Variants in PCDHA6 observed in about 807,000 individuals in gnomAD.
The protein encoded by PCDHA6 is protocadherin alpha-6.
PCDHA6 carries 55 observed loss-of-function variants against 60.3 expected under a neutral mutation model. The ratio of observed to expected loss-of-function variants is 0.91; its 90% CI spans 0.73 to 1.14. The LOEUF (loss-of-function observed/expected upper bound fraction) is 1.14, where lower values mean the gene tolerates loss of function less well. Ranked by LOEUF, PCDHA6 falls within the 50% of genes most tolerant of loss-of-function variation. The pLI is 0.00. For synonymous variants in PCDHA6, 652 were observed against 557.9 expected (o/e 1.17, Z -2.38); for missense variants, 1,327 against 1,256.5 (o/e 1.06, Z -0.85).
At chr5:140,834,190 C>T in intron 1 of PCDHA6, 2 of 580,584 alleles carry the variant, frequency 3.4e-6, no homozygotes, top group South Asian at 2.5e-5. Context: ...CATGATGTCG[C>T]TCTTTACCGC....
rs2150467797 is a variant in PCDHA6 at position 140,850,109 on chromosome 5, C to G, written c.2394+19624C>G. ...TGCTACAGTTCCAGGTGAGCGCGCG[C>G]GACGCGGGCGTGCCGCCTCTGGGCA... On this transcript the variant is annotated intron_variant, in intron 1 of 3. Coordinates refer to ENST00000529310, the MANE Select transcript of PCDHA6 (RefSeq NM_018909.4). 1.1e-4 allele frequency: 170 copies of G among 1,596,054 alleles called. 9 individuals are homozygous for G. Among genetic ancestry groups the G allele is most frequent in the Non-Finnish European group, 2.6e-5 (30 of 1,167,820 alleles).
At chr5:140,923,966 C>T (rs1422839186) in intron 1 of PCDHA6, among the ~76,000 whole-genome samples, 3 of 152,188 alleles carry the variant, frequency 2.0e-5, no homozygotes, top group Non-Finnish European at 4.4e-5. Flanking sequence ...AATCTATACC[C>T]ACACATACTA....
At chr5:141,001,279 G>A (rs1317213469) in intron 3 of PCDHA6, among the ~76,000 whole-genome samples, 1 of 151,942 alleles carries the variant, frequency 6.6e-6, no homozygotes, top group African/African-American at 2.4e-5. Context: ...CTTTTTTTAC[G>A]GATGAAAACT....
chr5:140,996,312 G>A (rs1397001765), intron 3 of PCDHA6, among the ~76,000 whole-genome samples: 2 of 152,186 alleles, frequency 1.3e-5, no homozygotes, highest in African/African-American at 2.4e-5. Flanking sequence ...CAAAGTAAGG[G>A]GGGAGGGTAG....
At position 140,849,809 on chromosome 5, in the gene PCDHA6, G is replaced by T. The variant is rs147465571; in HGVS notation, c.2394+19324G>T. 1.1e-3 allele frequency: 1,794 copies of T among 1,598,496 alleles called. 170 individuals are homozygous for T. The highest frequency in any genetic ancestry group is 1.4e-3 in the Non-Finnish European group (1,689 of 1,167,928). On this transcript the variant is annotated intron_variant, in intron 1 of 3. Transcript: ENST00000529310. ...GGGGCTCGCCTTCACTGTGGGCCACGGCCAGGGTGTCTGTGGAGGTGGCCG... is the reference window on the plus strand; with the variant it reads ...GGGGCTCGCCTTCACTGTGGGCCACTGCCAGGGTGTCTGTGGAGGTGGCCG...
intron 1 of PCDHA6, chr5:140,884,538 G>C: frequency 6.2e-7 from 1 of 1,614,112 alleles, no homozygotes; most frequent in Non-Finnish European, 8.5e-7. Flanking sequence ...AGGCGGCCGA[G>C]GGTGTGCTCT....
intron 1 of PCDHA6, among the ~76,000 whole-genome samples, chr5:140,940,470 A>G (rs182796886): frequency 4.7e-5 from 7 of 149,652 alleles, no homozygotes; most frequent in African/African-American, 9.8e-5. Flanking sequence ...GTTCCCTGCA[A>G]TTTTTTTTTT....
chr5:140,831,512 C>T (rs1771575949), intron 1 of PCDHA6, among the ~76,000 whole-genome samples: 1 of 137,596 alleles, frequency 7.3e-6, no homozygotes, highest in African/African-American at 2.9e-5. Flanking sequence ...CACCACCATG[C>T]CCCCCACCTT....
intron 1 of PCDHA6, chr5:140,850,527 T>C: frequency 6.3e-7 from 1 of 1,598,028 alleles, no homozygotes; most frequent in Non-Finnish European, 8.6e-7. Flanking sequence ...GGCGCCAAAG[T>C]CATCGTCGCG....
At chr5:140,875,250 C>A in intron 1 of PCDHA6, 1 of 1,016,106 alleles carries the variant, frequency 9.8e-7, no homozygotes, top group Non-Finnish European at 1.4e-6. Context: ...CATAATCAGT[C>A]ACATGATGTC....
At chr5:140,831,516 C>A (rs2150195447) in intron 1 of PCDHA6, among the ~76,000 whole-genome samples, 3 of 130,566 alleles carry the variant, frequency 2.3e-5, no homozygotes, top group East Asian at 4.4e-4. Context: ...ACCATGCCCC[C>A]CACCTTTTTT....
At chr5:140,955,065 T>C (rs1258214145) in intron 1 of PCDHA6, among the ~76,000 whole-genome samples, 8 of 152,214 alleles carry the variant, frequency 5.3e-5, no homozygotes, top group Admixed American at 3.3e-4. Context: ...GTCAGGTTTG[T>C]TGAAGATCAG....
chr5:140,841,952 T>C (rs1323540473), intron 1 of PCDHA6: 1 of 1,613,914 alleles, frequency 6.2e-7, no homozygotes, highest in African/African-American at 1.3e-5. Flanking sequence ...GCACCACTTA[T>C]TCCTGACAGC....
intron 3 of PCDHA6, among the ~76,000 whole-genome samples, chr5:140,983,513 CTG>C (rs1165213074): frequency 6.6e-6 from 1 of 152,196 alleles, no homozygotes; most frequent in Non-Finnish European, 1.5e-5. Context: ...TGCCTAGACA[CTG>C]TGCCAAGTAC....
rs781827236 is a variant in PCDHA6, at chr5:140,877,873, T to C, written c.2394+47388T>C. ...TTAATATTATTTAGATATATTTGTT[T>C]CCTTGAAGAACTTCCGTTTAGGTTA... On this transcript the variant is annotated intron_variant, in intron 1 of 3. Transcript: ENST00000529310. 6.8e-6 allele frequency: 10 copies of C among 1,481,404 alleles called. 1 individual carries two copies. In the Admixed American group the frequency reaches 2.1e-4, roughly 30 times the overall value. 91.8% of individuals were successfully genotyped at this position (1,481,404 alleles called of 1,614,324 possible).
chr5:140,882,513 G>A (rs2059164592), intron 1 of PCDHA6: 3 of 1,614,072 alleles, frequency 1.9e-6, no homozygotes, highest in Admixed American at 3.3e-5. Context: ...CTGCAGAATG[G>A]CATTTTGTTT....
chr5:140,897,304 G>A (rs1297881439), intron 1 of PCDHA6, among the ~76,000 whole-genome samples: 1 of 150,768 alleles, frequency 6.6e-6, no homozygotes, highest in Non-Finnish European at 1.5e-5. Flanking sequence ...TTTAGCATTA[G>A]GTATATCTCC....
chr5:140,877,868 T>A, intron 1 of PCDHA6: 1 of 1,488,916 alleles, frequency 6.7e-7, no homozygotes, highest in Non-Finnish European at 8.9e-7. Context: ...TTAGATATAT[T>A]TGTTTCCTTG....
intron 1 of PCDHA6, chr5:140,875,559 C>A (rs1554167755): frequency 6.2e-7 from 1 of 1,614,138 alleles, no homozygotes; most frequent in Admixed American, 1.7e-5. Flanking sequence ...TGGGGAGCGG[C>A]CAGCTCCACT....
Sources: allele counts gnomAD v4.1 joint callset (sites outside exome capture counted in the v4.1 genomes callset), GRCh38; gene constraint gnomAD v4.1.1; transcripts MANE v1.5; gene names NCBI Gene and HGNC (gene_info 2026-07-23, HGNC 2026-07-21).